The following GULP1 variants were observed in gnomAD, a reference collection of about 807,000 sequenced individuals.
The protein encoded by GULP1 is GULP PTB domain containing engulfment adaptor 1.
A neutral mutation model predicts 40.9 loss-of-function variants in GULP1; 19 were observed. That is an observed-to-expected ratio of 0.46 (90% confidence interval 0.32 to 0.68). The LOEUF is 0.68. Ranked by LOEUF, GULP1 falls within the 30% of genes least tolerant of loss-of-function variation. GULP1 has a pLI of 0.03. For synonymous variants in GULP1, 119 were observed against 117.6 expected (o/e 1.01, Z -0.08); for missense variants, 312 against 362.2 (o/e 0.86, Z 1.12).
At chr2:188,538,427 G>T (rs1299486017) in intron 6 of GULP1, among the ~76,000 whole-genome samples, 1 of 151,908 alleles carries the variant, frequency 6.6e-6, no homozygotes, top group Non-Finnish European at 1.5e-5. Context: ...TACCAAACCT[G>T]GGGAGCAATC....
At chr2:188,375,999 C>G (rs2048250257) in intron 1 of GULP1, among the ~76,000 whole-genome samples, 1 of 151,990 alleles carries the variant, frequency 6.6e-6, no homozygotes, top group Non-Finnish European at 1.5e-5. Context: ...CCTCCATATC[C>G]ACGTTTTACA....
intron 1 of GULP1, among the ~76,000 whole-genome samples, chr2:188,331,397 T>G (rs993969264): frequency 2.6e-5 from 4 of 152,208 alleles, no homozygotes; most frequent in Non-Finnish European, 4.4e-5. Context: ...TTCAAACCCC[T>G]ACTTTTTGGC....
chr2:188,559,050 T>G (rs937688143), intron 7 of GULP1, among the ~76,000 whole-genome samples: 12 of 152,134 alleles, frequency 7.9e-5, no homozygotes, highest in African/African-American at 2.9e-4. Context: ...CTACAGAAAT[T>G]TGCATAGGTA....
chr2:188,547,497 A>AG (rs1370362397), intron 7 of GULP1, among the ~76,000 whole-genome samples: 1 of 152,160 alleles, frequency 6.6e-6, no homozygotes, highest in Non-Finnish European at 1.5e-5. Context: ...CCAATCTTCA[A>AG]GGGCAGGAAG....
chr2:188,588,075 A>C (rs896008750), intron 11 of GULP1, 126 bp downstream of exon 11: 1 of 706,156 alleles, frequency 1.4e-6, no homozygotes, highest in Admixed American at 2.1e-5. Context: ...GCTTAAAATA[A>C]TTACTTTAAA....
At chr2:188,393,759 C>A (rs1253897428) in intron 2 of GULP1, among the ~76,000 whole-genome samples, 1 of 152,110 alleles carries the variant, frequency 6.6e-6, no homozygotes, top group Admixed American at 6.6e-5. Context: ...TCTTGTAGGG[C>A]AGCTCTGGTT....
intron 2 of GULP1, among the ~76,000 whole-genome samples, chr2:188,460,833 C>T (rs2059642931): frequency 6.6e-6 from 1 of 152,042 alleles, no homozygotes; most frequent in Non-Finnish European, 1.5e-5. Context: ...TTTCTATACC[C>T]AGTTTTTGAG....
intron 1 of GULP1, among the ~76,000 whole-genome samples, chr2:188,306,915 T>A (rs57939534): frequency 6.6e-6 from 1 of 152,126 alleles, no homozygotes; most frequent in African/African-American, 2.4e-5. Context: ...GAAGAAATAA[T>A]GTTTTGTACT....
intron 2 of GULP1, among the ~76,000 whole-genome samples, chr2:188,390,731 G>A (rs1017456956): frequency 6.6e-6 from 1 of 151,932 alleles, no homozygotes; most frequent in African/African-American, 2.4e-5. Flanking sequence ...TATCTTCTAG[G>A]TTTTTTATGG....
chr2:188,384,870 G>A (rs1325700980), intron 2 of GULP1, among the ~76,000 whole-genome samples: 2 of 152,172 alleles, frequency 1.3e-5, no homozygotes, highest in African/African-American at 2.4e-5. Context: ...TCCAGATCAC[G>A]CTGATGTAAG....
intron 9 of GULP1, among the ~76,000 whole-genome samples, chr2:188,572,856 C>T (rs1003019502): frequency 6.6e-6 from 1 of 151,966 alleles, no homozygotes; most frequent in African/African-American, 2.4e-5. Context: ...GGGGCTGGGG[C>T]AGAGTTGTGG....
At chr2:188,429,937 C>T (rs2056670420) in intron 2 of GULP1, among the ~76,000 whole-genome samples, 1 of 152,092 alleles carries the variant, frequency 6.6e-6, no homozygotes, top group South Asian at 2.1e-4. Flanking sequence ...TCTCGATCTC[C>T]TGACCTCATG....
chr2:188,465,605 G>A (rs1431133216), intron 2 of GULP1, among the ~76,000 whole-genome samples: 1 of 152,080 alleles, frequency 6.6e-6, no homozygotes, highest in Non-Finnish European at 1.5e-5. Flanking sequence ...CAAGGCTTGG[G>A]GGAACTGAAG....
At chr2:188,302,615 T>C (rs1330854621) in intron 1 of GULP1, among the ~76,000 whole-genome samples, 3 of 152,116 alleles carry the variant, frequency 2.0e-5, no homozygotes, top group African/African-American at 7.2e-5. Context: ...AGACATACAG[T>C]AAACTTTTAA....
chr2:188,367,326 G>T lies in GULP1; in HGVS notation c.-171-16437G>T, dbSNP rs551957092. On this transcript the variant is annotated intron_variant, in intron 1 of 11. Coordinates refer to ENST00000409830, the MANE Select transcript of GULP1 (RefSeq NM_016315.4). Reference sequence around the variant, plus strand: ...AGGTGCTGGGGATGTTGTCTCAGCTGCAGGGCAGACAGTTGCGTTCTAGTG... The same window carrying T: ...AGGTGCTGGGGATGTTGTCTCAGCTTCAGGGCAGACAGTTGCGTTCTAGTG... Among the ~76,000 whole-genome samples the T allele has an allele frequency of 2.0e-5, 3 of 152,320 alleles. No individual in the cohort carries two copies. In the East Asian group the frequency reaches 5.8e-4, roughly 29 times the overall value.
At chr2:188,566,752 G>C (rs564630258) in intron 7 of GULP1, among the ~76,000 whole-genome samples, 1 of 128,444 alleles carries the variant, frequency 7.8e-6, no homozygotes, top group African/African-American at 3.1e-5. Context: ...CTGAGATTGC[G>C]CCACTGCACT....
chr2:188,299,827 G>A (rs2035807120), intron 1 of GULP1, among the ~76,000 whole-genome samples: 1 of 152,186 alleles, frequency 6.6e-6, no homozygotes, highest in Admixed American at 6.5e-5. Context: ...AGTCACAGAG[G>A]ATGAGGATGA....
chr2:188,444,145 CA>C (rs2058186358), intron 2 of GULP1, among the ~76,000 whole-genome samples: 1 of 152,082 alleles, frequency 6.6e-6, no homozygotes, highest in Non-Finnish European at 1.5e-5. Flanking sequence ...TTTCCTTATT[CA>C]AATTTGCTGT....
rs187063716 is a variant in GULP1 at position 188,329,552 on chromosome 2, G to C, written c.-172+37386G>C. Among the ~76,000 whole-genome samples, 453 of 152,188 alleles carry C rather than the reference G, an allele frequency of 3.0e-3. 5 individuals are homozygous for C. The highest frequency in any genetic ancestry group is 0.01 in the African/African-American group (426 of 41,548). On this transcript the variant is annotated intron_variant, in intron 1 of 11. Transcript: ENST00000409830. ...CTGAAATGAAGTGGGAGAGAAGTAGGAAATTAAGTCAGAGAGGTAGTAGAA... is the reference window on the plus strand; with the variant it reads ...CTGAAATGAAGTGGGAGAGAAGTAGCAAATTAAGTCAGAGAGGTAGTAGAA...
Sources: gnomAD v4.1 joint callset for allele counts (sites outside exome capture counted in the v4.1 genomes callset) on GRCh38, gnomAD v4.1.1 for gene constraint, MANE v1.5 for transcripts, NCBI Gene and HGNC (gene_info 2026-07-23, HGNC 2026-07-21) for gene names.